Variants in WNK2 observed in about 807,000 individuals in gnomAD.
The protein encoded by WNK2 is WNK lysine deficient protein kinase 2.
WNK2 carries 67 observed loss-of-function variants against 192.1 expected under a neutral mutation model. The ratio of observed to expected loss-of-function variants is 0.35; its 90% CI spans 0.29 to 0.43. The LOEUF (loss-of-function observed/expected upper bound fraction) is 0.43, where lower values mean the gene tolerates loss of function less well. Among genes scored for constraint, WNK2 ranks in the 20% least tolerant of loss-of-function variants. WNK2 has a pLI of 1.00. For missense variants in WNK2, 2,698 were observed against 3,089.7 expected, an observed-to-expected ratio of 0.87 and a Z score of 3.01; for synonymous variants, 1,439 against 1,393.9, an observed-to-expected ratio of 1.03 and a Z score of -0.72.
Position 93,256,352 on chromosome 9 carries a change from G to A in WNK2, c.2088G>A (p.Gln696=). The change falls in exon 10 of 30, where the codon CAG becomes CAA. Residue 696 remains glutamine, a synonymous_variant. Transcript: ENST00000427277. ...CCCCCGCCTGCCCTCCGTCCCTCCA[G>A]CAGCACTTCCCGGATCCGGCCATGA... The part of the protein sequence containing the change: ...VPAPACPPSL[Q]QHFPDPAMSF... The A allele has an allele frequency of 6.3e-7, 1 of 1,585,640 alleles. No individual in the cohort carries two copies. Among genetic ancestry groups the A allele is most frequent in the South Asian group, 1.1e-5 (1 of 87,516 alleles).
chr9:93,201,243 C>T (rs1400286583), intron 2 of WNK2, among the ~76,000 whole-genome samples: 3 of 152,190 alleles, frequency 2.0e-5, no homozygotes, highest in African/African-American at 4.8e-5. Flanking sequence ...GCTTATCTGT[C>T]GCCATCTGTG....
rs1173863318 is a variant in WNK2, at chr9:93,257,795, T to C, written c.2382+656T>C. 6.6e-6 allele frequency among the ~76,000 whole-genome samples: 1 copy of C among 152,242 alleles called. No individual in the cohort carries two copies. Among genetic ancestry groups the C allele is most frequent in the African/African-American group, 2.4e-5 (1 of 41,458 alleles). On this transcript the variant is annotated intron_variant, in intron 11 of 29. Transcript: ENST00000427277. The surrounding 1 kb of genome is among the most constrained non-coding windows in gnomAD (Gnocchi z 4.7). ...CTCACACAGCTGAAGTGACTTCTGC[T>C]GTCTTTCTCTGGGTACACTGTCTTT... is the stretch of plus-strand genomic sequence containing the variant.
intron 2 of WNK2, among the ~76,000 whole-genome samples, chr9:93,222,971 C>T (rs543543626): frequency 1.3e-5 from 2 of 152,272 alleles, no homozygotes; most frequent in East Asian, 3.9e-4. Context: ...TGTGAGCCAC[C>T]GTGCCCAGCC....
chr9:93,305,449 C>T (rs1852351068), intron 26 of WNK2, among the ~76,000 whole-genome samples: 1 of 152,174 alleles, frequency 6.6e-6, no homozygotes, highest in Admixed American at 6.5e-5. Context: ...AGGGAACAGC[C>T]CTTCGGAGCT....
chr9:93,301,706 G>A (rs1002388368), intron 26 of WNK2, among the ~76,000 whole-genome samples: 4 of 152,204 alleles, frequency 2.6e-5, no homozygotes, highest in African/African-American at 7.2e-5. Flanking sequence ...GCTCCTGCAT[G>A]TGCGGCTCGA....
chr9:93,231,146 T>C (rs780634484), intron 4 of WNK2, 38 bp downstream of exon 4: 2 of 1,591,184 alleles, frequency 1.3e-6, no homozygotes, highest in South Asian at 2.2e-5. Context: ...TTGGAGCCCA[T>C]GAGAAGCTGG....
chr9:93,267,748 G>A lies in WNK2; in HGVS notation c.3699G>A (p.Val1233=), dbSNP rs568341735. ...DAPDEIATYM[V]EHDFILQAER... is the part of the protein sequence containing the mutation. Reference sequence around the variant, plus strand: ...ACTGGCAGTATGTCCCTTTGCAGGTGGAGCATGACTTTATCCTGCAGGCCG... The same window carrying A: ...ACTGGCAGTATGTCCCTTTGCAGGTAGAGCATGACTTTATCCTGCAGGCCG... Residue 1233 remains valine, a splice_region_variant and synonymous_variant, in exon 17 of 30, where the codon GTG becomes GTA. Coordinates refer to ENST00000427277, the MANE Select transcript of WNK2 (RefSeq NM_006648.4). 1.8e-5 allele frequency: 29 copies of A among 1,588,652 alleles called. No homozygotes were observed. In the East Asian group the frequency reaches 6.2e-4, roughly 34 times the overall value.
chr9:93,254,375 G>A (rs1011734635), intron 9 of WNK2, among the ~76,000 whole-genome samples: 26 of 152,320 alleles, frequency 1.7e-4, no homozygotes, highest in African/African-American at 5.5e-4. Flanking sequence ...GTTGTCACTC[G>A]CACACTCAGC....
chr9:93,185,229 G>C lies in WNK2; in HGVS notation c.300G>C (p.Ala100=). The change falls in exon 2 of 30, where the codon GCG becomes GCC. Residue 100 remains alanine (A), a synonymous_variant. Coordinates refer to ENST00000427277, the MANE Select transcript of WNK2 (RefSeq NM_006648.4). ...RGRPAAPAPA[A]LVAQPGAPGA... is the part of the protein sequence containing the mutation. Reference sequence around the variant, plus strand: ...GCCCCGCCGCCCCCGCGCCCGCAGCGCTGGTAGCGCAGCCGGGAGCCCCCG... The same window carrying C: ...GCCCCGCCGCCCCCGCGCCCGCAGCCCTGGTAGCGCAGCCGGGAGCCCCCG... 1 of 1,197,216 alleles carries C rather than the reference G, an allele frequency of 8.4e-7. No homozygotes were observed. Among genetic ancestry groups the C allele is most frequent in the Non-Finnish European group, 1.0e-6 (1 of 968,178 alleles). 74.2% of individuals were successfully genotyped at this position (1,197,216 alleles called of 1,614,324 possible).
At position 93,214,961 on chromosome 9, in the gene WNK2, C is replaced by T. The variant is rs1415216333; in HGVS notation, c.682-14735C>T. 2.0e-5 allele frequency among the ~76,000 whole-genome samples: 3 copies of T among 151,748 alleles called. No homozygotes were observed. The South Asian group carries it at 6.3e-4, about 32-fold the overall frequency. On this transcript the variant is annotated intron_variant, in intron 2 of 29. Coordinates refer to ENST00000427277, the MANE Select transcript of WNK2 (RefSeq NM_006648.4). The stretch of plus-strand genomic sequence containing the variant: ...GCAGTGGTATAATCATAGCTCACTA[C>T]AGCCTAGGACCCCTGGGGTCCTGTG...
intron 29 of WNK2, chr9:93,318,423 G>A (rs1855104877): frequency 5.6e-6 from 9 of 1,614,144 alleles, no homozygotes; most frequent in Non-Finnish European, 7.6e-6. Context: ...GAGACGGCGG[G>A]ACGCTGGGGC....
chr9:93,223,402 T>C (rs1837261331), intron 2 of WNK2, among the ~76,000 whole-genome samples: 1 of 152,180 alleles, frequency 6.6e-6, no homozygotes, highest in Admixed American at 6.5e-5. Flanking sequence ...AATGCCTTCT[T>C]CCCCAGGCTG....
At chr9:93,220,651 G>A (rs1006677755) in intron 2 of WNK2, among the ~76,000 whole-genome samples, 2 of 152,178 alleles carry the variant, frequency 1.3e-5, no homozygotes, top group African/African-American at 4.8e-5. Flanking sequence ...TGAGGAGGGG[G>A]CTGGGGGCTG....
intron 9 of WNK2, among the ~76,000 whole-genome samples, chr9:93,255,031 T>C (rs529769009): frequency 1.3e-5 from 2 of 152,192 alleles, no homozygotes; most frequent in African/African-American, 4.8e-5. Context: ...ATGCTGCTGG[T>C]CTCAGCATCA....
In WNK2 at chr9:93,261,915, A is replaced by C; in HGVS notation, c.3168A>C (p.Glu1056Asp). ...CGGTCCTCTCGCCGCCTCTGCCGGAAGTGCTGCTGCCTGCCGCCCCTGAGC... is the reference window on the plus strand; with the variant it reads ...CGGTCCTCTCGCCGCCTCTGCCGGACGTGCTGCTGCCTGCCGCCCCTGAGC... The part of the protein sequence containing the change: ...PAAVLSPPLP[E>D]VLLPAAPELL... The change falls in exon 13 of 30, where the codon GAA becomes GAC. Residue 1056 changes from glutamate to aspartate, a missense_variant. Coordinates refer to ENST00000427277, the MANE Select transcript of WNK2 (RefSeq NM_006648.4). 6.2e-7 allele frequency: 1 copy of C among 1,607,974 alleles called. No homozygotes were observed. Among genetic ancestry groups the C allele is most frequent in the Middle Eastern group, 1.7e-4 (1 of 6,042 alleles).
Position 93,320,392 on chromosome 9 carries a change from A to G in WNK2, c.6654A>G (p.Ter2218TrpextTer37). 7.3e-7 allele frequency: 1 copy of G among 1,367,362 alleles called. No homozygotes were observed. Among genetic ancestry groups the G allele is most frequent in the South Asian group, 1.1e-5 (1 of 88,046 alleles). 84.7% of individuals were successfully genotyped at this position (1,367,362 alleles called of 1,614,324 possible). Residue 2218 changes from the stop codon to tryptophan, a stop_lost, in exon 30 of 30, where the codon TGA (stop) becomes TGG (tryptophan). Coordinates refer to ENST00000427277, the MANE Select transcript of WNK2 (RefSeq NM_006648.4). ...ATCCTGAGAGTGAGAAGCCTGACTG[A>G]CCCCGCCTAGACGCCAGGCCCACTT... is the stretch of plus-strand genomic sequence containing the variant. The part of the protein sequence containing the change: ...TPDPESEKPD[*>W]
intron 8 of WNK2, among the ~76,000 whole-genome samples, chr9:93,249,933 T>TTA (rs1554710500): frequency 2.1e-5 from 3 of 144,838 alleles, no homozygotes; most frequent in Non-Finnish European, 4.5e-5. Context: ...TTTTTTTTTT[T>TTA]AAAGACAGTC....
In WNK2 at chr9:93,208,812, T is replaced by C. The variant is rs533715854; in HGVS notation, c.682-20884T>C. The stretch of plus-strand genomic sequence containing the variant: ...GTGTGCTCTGCATGTGTGTTCTGTG[T>C]ATGTGCATGTTCTTCGTGTGTGTTC... On this transcript the variant is annotated intron_variant, in intron 2 of 29. Coordinates refer to ENST00000427277, the MANE Select transcript of WNK2 (RefSeq NM_006648.4). Among the ~76,000 whole-genome samples the C allele has an allele frequency of 7.7e-4, 4 of 5,210 alleles. No homozygotes were observed. The East Asian group carries it at 0.032, about 41-fold the overall frequency. The allele number at this position is 5,210 out of a possible 152,430, so 3.4% of individuals were successfully genotyped here. A position where few individuals can be genotyped will look rare whatever the true frequency, so the allele number is the denominator to read the frequency against.
At position 93,289,261 on chromosome 9, in the gene WNK2, G is replaced by A. The variant is rs377420109; in HGVS notation, c.4507G>A (p.Ala1503Thr). ...TCAACCTGCTCCCCTGCTTCCTGCC[G>A]CAGTGGGGGCCGTCAGCCTGGCCAC... The part of the protein sequence containing the change: ...LGQPAPLLPA[A>T]VGAVSLATSQ... Residue 1503 changes from alanine to threonine, a missense_variant, in exon 20 of 30, where the codon GCA becomes ACA. Around this residue, in one of 7 missense-constraint regions of WNK2, gnomAD observed 1,098 missense variants for 1,101.0 expected, o/e 1.00. Transcript: ENST00000427277. 19 of 1,601,278 alleles carry A rather than the reference G, an allele frequency of 1.2e-5. No individual in the cohort carries two copies. Among genetic ancestry groups the A allele is most frequent in the African/African-American group, 6.7e-5 (5 of 74,724 alleles).
Sources: gnomAD v4.1 joint callset for allele counts (sites outside exome capture counted in the v4.1 genomes callset) on GRCh38, gnomAD v4.1.1 for gene constraint, gnomAD v4.1.1 regional missense constraint, Gnocchi (gnomAD v3.1) non-coding constraint, MANE v1.5 for transcripts, NCBI Gene and HGNC (gene_info 2026-07-23, HGNC 2026-07-21) for gene names.